Variants in METTL25 observed in about 807,000 individuals in gnomAD.
METTL25 encodes methyltransferase like 25.
A neutral mutation model predicts 71.6 loss-of-function variants in METTL25; 64 were observed. The observed-to-expected ratio is 0.89, with a 90% CI of 0.73 to 1.10. The LOEUF (loss-of-function observed/expected upper bound fraction) is 1.10, where lower values mean the gene tolerates loss of function less well. METTL25 is among the 50% of genes least tolerant of loss of function. METTL25 has a pLI of 0.00. For synonymous variants in METTL25, 287 were observed against 250.3 expected (o/e 1.15, Z -1.38); for missense variants, 807 against 707.0 (o/e 1.14, Z -1.60).
Position 82,399,165 on chromosome 12 carries a change from A to T in METTL25, c.902A>T (p.His301Leu). The T allele has an allele frequency of 6.2e-7, 1 of 1,613,532 alleles. No homozygotes were observed. The highest frequency in any genetic ancestry group is 8.5e-7 in the Non-Finnish European group (1 of 1,179,826). Residue 301 changes from histidine to leucine, a missense_variant, in exon 4 of 12, where the codon CAT becomes CTT. Coordinates refer to ENST00000248306, the MANE Select transcript of METTL25 (RefSeq NM_032230.3). ...ATGGAAACCCTTCATTCTCAGCCACATCAAGAAGAAAATTTGTGTTTTGAA... is the reference window on the plus strand; with the variant it reads ...ATGGAAACCCTTCATTCTCAGCCACTTCAAGAAGAAAATTTGTGTTTTGAA... ...NQMETLHSQP[H>L]QEENLCFENS...
chr12:82,395,216 C>T (rs1324022121), intron 3 of METTL25, among the ~76,000 whole-genome samples: 2 of 152,008 alleles, frequency 1.3e-5, no homozygotes, highest in Admixed American at 6.6e-5. Flanking sequence ...AAAATTAGCT[C>T]CTATCTGAGC....
intron 1 of METTL25, among the ~76,000 whole-genome samples, chr12:82,368,829 G>C (rs543610825): frequency 6.6e-6 from 1 of 152,192 alleles, no homozygotes; most frequent in Admixed American, 6.5e-5. Flanking sequence ...CCAGTCAGTG[G>C]GTCACCTAGA....
At chr12:82,424,425 T>C (rs895528314) in intron 5 of METTL25, among the ~76,000 whole-genome samples, 2 of 152,050 alleles carry the variant, frequency 1.3e-5, no homozygotes, top group Non-Finnish European at 2.9e-5. Flanking sequence ...TTAGGAGATA[T>C]ACCTAATGTA....
chr12:82,361,372 G>A (rs1382627189), intron 1 of METTL25, among the ~76,000 whole-genome samples: 2 of 152,350 alleles, frequency 1.3e-5, no homozygotes, highest in Non-Finnish European at 2.9e-5. Context: ...TCCCACGTTG[G>A]GGCTGCAGGT....
intron 8 of METTL25, among the ~76,000 whole-genome samples, chr12:82,452,910 C>A (rs1345165635): frequency 6.6e-6 from 1 of 152,126 alleles, no homozygotes; most frequent in African/African-American, 2.4e-5. Context: ...CAAGAAGAGG[C>A]AAAGAGGTTG....
At chr12:82,445,080 AC>A (rs910402257) in intron 8 of METTL25, among the ~76,000 whole-genome samples, 2 of 152,114 alleles carry the variant, frequency 1.3e-5, no homozygotes, top group Non-Finnish European at 2.9e-5. Context: ...GAAAAGCAAA[AC>A]CCAAGTGCAA....
chr12:82,366,031 G>A (rs551366632), intron 1 of METTL25, among the ~76,000 whole-genome samples: 4 of 152,206 alleles, frequency 2.6e-5, no homozygotes, highest in East Asian at 3.9e-4. Context: ...GCAGTGAGCC[G>A]AGACTGCGCC....
At position 82,422,246 on chromosome 12, in the gene METTL25, C is replaced by T. The variant is rs550134085; in HGVS notation, c.1280-8647C>T. Among the ~76,000 whole-genome samples, 484 of 152,184 alleles carry T rather than the reference C, an allele frequency of 3.2e-3. 3 individuals carry two copies. The highest frequency in any genetic ancestry group is 4.4e-3 in the Non-Finnish European group (296 of 67,990). ...TGGGATGCAAGGCTGGTTCAACATA[C>T]GCAAATCAATAAACGTAATCCGGCA... is the stretch of plus-strand genomic sequence containing the variant. On this transcript the variant is annotated intron_variant, in intron 5 of 11. Coordinates refer to ENST00000248306, the MANE Select transcript of METTL25 (RefSeq NM_032230.3).
chr12:82,361,056 G>A (rs975320795), intron 1 of METTL25, among the ~76,000 whole-genome samples: 2 of 152,090 alleles, frequency 1.3e-5, no homozygotes, highest in African/African-American at 2.4e-5. Context: ...CGCTGCTGGC[G>A]CCAGCAGTCT....
intron 5 of METTL25, among the ~76,000 whole-genome samples, chr12:82,417,997 C>T (rs1193985219): frequency 6.6e-6 from 1 of 152,000 alleles, no homozygotes; most frequent in African/African-American, 2.4e-5. Flanking sequence ...ATGAGCATAG[C>T]TAAAACAGTG....
In METTL25 at chr12:82,390,008, A is replaced by G. The variant is rs915482791; in HGVS notation, c.531+86A>G. On this transcript the variant is annotated intron_variant, in intron 3 of 11. Transcript: ENST00000248306. ...ATATTTCACCTTTTTACTGTCAGCT[A>G]GCCTTTAAAATGTCATTAAATAATA... 18 of 737,136 alleles carry G rather than the reference A, an allele frequency of 2.4e-5. 1 individual carries two copies. Among genetic ancestry groups the G allele is most frequent in the South Asian group, 2.1e-4 (13 of 63,152 alleles). 45.7% of individuals were successfully genotyped at this position (737,136 alleles called of 1,614,324 possible). A position where few individuals can be genotyped will look rare whatever the true frequency, so the allele number is the denominator to read the frequency against.
chr12:82,434,044 T>A lies in METTL25; in HGVS notation c.1375-651T>A, dbSNP rs377361073. Among the ~76,000 whole-genome samples, 27 of 151,262 alleles carry A rather than the reference T, an allele frequency of 1.8e-4. No homozygotes were observed. In the East Asian group the frequency reaches 2.9e-3, roughly 16 times the overall value. Reference sequence around the variant, plus strand: ...ATTTATTATAAATGTTAGGAAATATTTTGTAAAAAATATTTTGGATTTTAA... The same window carrying A: ...ATTTATTATAAATGTTAGGAAATATATTGTAAAAAATATTTTGGATTTTAA... On this transcript the variant is annotated intron_variant, in intron 6 of 11. Transcript: ENST00000248306.
At chr12:82,416,345 A>C (rs1887979520) in intron 5 of METTL25, among the ~76,000 whole-genome samples, 1 of 151,576 alleles carries the variant, frequency 6.6e-6, no homozygotes, top group Non-Finnish European at 1.5e-5. Flanking sequence ...CTATATTATT[A>C]TTCTTCTGGT....
chr12:82,366,642 G>T (rs375845815), intron 1 of METTL25, among the ~76,000 whole-genome samples: 4 of 151,784 alleles, frequency 2.6e-5, no homozygotes, highest in Admixed American at 6.6e-5. Context: ...TTTATTGTTG[G>T]TGGTGGTAGT....
intron 5 of METTL25, among the ~76,000 whole-genome samples, chr12:82,427,943 G>C (rs1889168709): frequency 6.6e-6 from 1 of 151,914 alleles, no homozygotes; most frequent in Non-Finnish European, 1.5e-5. Flanking sequence ...TCAATCCAGA[G>C]GTCAACAAGT....
rs535674326 is a variant in METTL25 at position 82,440,054 on chromosome 12, C to T, written c.1478+1263C>T. ...ACCTTTTAGTCACATTTGACCATGT[C>T]GGTAATTGTTTTTTCTCTAAAATCT... On this transcript the variant is annotated intron_variant, in intron 8 of 11. Coordinates refer to ENST00000248306, the MANE Select transcript of METTL25 (RefSeq NM_032230.3). 5.9e-5 allele frequency among the ~76,000 whole-genome samples: 9 copies of T among 151,984 alleles called. No individual in the cohort carries two copies. In the East Asian group the frequency reaches 1.4e-3, roughly 23 times the overall value.
At chr12:82,432,032 G>C (rs753221706) in intron 6 of METTL25, among the ~76,000 whole-genome samples, 45 of 151,554 alleles carry the variant, frequency 3.0e-4, no homozygotes, top group Admixed American at 3.3e-4. Context: ...GTTGGGAACT[G>C]TCTATATATA....
chr12:82,360,617 C>T (rs1428023187), intron 1 of METTL25, among the ~76,000 whole-genome samples: 1 of 152,060 alleles, frequency 6.6e-6, no homozygotes, highest in African/African-American at 2.4e-5. Flanking sequence ...ATGAAGATCT[C>T]TGGAGGGAAA....
chr12:82,380,418 T>C (rs569347389), intron 1 of METTL25, among the ~76,000 whole-genome samples: 139 of 57,512 alleles, frequency 2.4e-3, no homozygotes, highest in African/African-American at 6.8e-3. Context: ...CTTAAAAGTT[T>C]ATATATGTAT....
Sources: gnomAD v4.1 joint callset for allele counts (sites outside exome capture counted in the v4.1 genomes callset) on GRCh38, gnomAD v4.1.1 for gene constraint, MANE v1.5 for transcripts, NCBI Gene and HGNC (gene_info 2026-07-23, HGNC 2026-07-21) for gene names.